MYLK4: variants seen among roughly 807,000 people sequenced by gnomAD.
MYLK4 encodes myosin light chain kinase family member 4.
In MYLK4, 46 loss-of-function variants were observed where a neutral mutation model predicts 48.1. That is an observed-to-expected ratio of 0.96 (90% CI 0.75 to 1.22). The LOEUF (loss-of-function observed/expected upper bound fraction) is 1.22, where lower values mean the gene tolerates loss of function less well. Among genes scored for constraint, MYLK4 ranks in the 50% most tolerant of loss-of-function variants. The probability of loss-of-function intolerance (pLI) is 0.00; values close to 1 mark genes in which losing one functional copy is unlikely to be tolerated. For synonymous variants in MYLK4, 170 were observed against 180.8 expected (o/e 0.94, Z 0.48); for missense variants, 451 against 486.1 (o/e 0.93, Z 0.68).
the MYLK4 span, among the ~76,000 whole-genome samples, chr6:2,764,083 G>A: frequency 1.3e-5 from 2 of 152,212 alleles, no homozygotes; most frequent in African/African-American, 4.8e-5. Context: ...CGTGAGCTGA[G>A]ATTGCGCCAT....
intron 4 of MYLK4, among the ~76,000 whole-genome samples, chr6:2,687,068 A>C (rs887319221): frequency 6.6e-6 from 1 of 152,184 alleles, no homozygotes; most frequent in African/African-American, 2.4e-5. Context: ...CTCATTGAAC[A>C]TGGCAAGCAG....
At chr6:2,743,301 T>A (rs1226367978) in intron 2 of MYLK4, among the ~76,000 whole-genome samples, 1 of 152,122 alleles carries the variant, frequency 6.6e-6, no homozygotes, top group African/African-American at 2.4e-5. Flanking sequence ...GATAAGAGAG[T>A]CAAATATGTG....
intron 2 of MYLK4, among the ~76,000 whole-genome samples, chr6:2,727,946 CAAA>C (rs10716559): frequency 2.3e-3 from 242 of 104,820 alleles, no homozygotes; most frequent in African/African-American, 6.5e-3. Context: ...GACTCCGTCT[CAAA>C]AAAAAAAAAA....
intron 8 of MYLK4, 79 bp from the exon 9 acceptor site, chr6:2,679,487 A>C: frequency 6.5e-7 from 1 of 1,545,758 alleles, no homozygotes; most frequent in Non-Finnish European, 8.9e-7. Context: ...AGTCTATGAG[A>C]CAAAATGACT....
chr6:2,689,702 C>T (rs903624698), intron 3 of MYLK4, among the ~76,000 whole-genome samples: 2 of 152,316 alleles, frequency 1.3e-5, no homozygotes, highest in East Asian at 3.9e-4. Context: ...TTGCCATGAA[C>T]CTGCTCATTC....
chr6:2,721,855 G>C (rs1206258450), intron 2 of MYLK4, among the ~76,000 whole-genome samples: 2 of 152,330 alleles, frequency 1.3e-5, no homozygotes, highest in Non-Finnish European at 2.9e-5. Flanking sequence ...CTCAACAGCT[G>C]CATGAAAGCT....
chr6:2,760,173 A>G, the MYLK4 span, among the ~76,000 whole-genome samples: 16,599 of 151,820 alleles, frequency 0.11, 958 homozygotes, highest in South Asian at 0.17. Flanking sequence ...AAAGCAATAC[A>G]GTATAATAAC....
chr6:2,683,391 TTGTGTGTGTGTGTGTGTG>T (rs67359849), intron 6 of MYLK4, among the ~76,000 whole-genome samples: 16 of 126,582 alleles, frequency 1.3e-4, no homozygotes, highest in African/African-American at 4.6e-4. Context: ...CCCCACCTTT[TTGTGTGTGTGTGTGTGTG>T]TGTGTGTGTG....
intron 11 of MYLK4, 141 bp downstream of exon 11, chr6:2,674,906 A>G: frequency 1.4e-6 from 1 of 739,394 alleles, no homozygotes; most frequent in Non-Finnish European, 2.2e-6. Flanking sequence ...ATTTTAAGTA[A>G]TTTAATACTG....
chr6:2,720,937 T>G (rs1473680373), intron 2 of MYLK4, among the ~76,000 whole-genome samples: 1 of 151,710 alleles, frequency 6.6e-6, no homozygotes, highest in Non-Finnish European at 1.5e-5. Context: ...TTGAGGTGGG[T>G]GGATCACGAG....
chr6:2,690,895 T>C (rs1761764029), intron 3 of MYLK4, among the ~76,000 whole-genome samples: 1 of 142,712 alleles, frequency 7.0e-6, no homozygotes. Context: ...AGTGGCGCGA[T>C]CTCGGCTCAC....
At chr6:2,734,361 G>C (rs1228997898) in intron 2 of MYLK4, among the ~76,000 whole-genome samples, 1 of 152,196 alleles carries the variant, frequency 6.6e-6, no homozygotes, top group Non-Finnish European at 1.5e-5. Context: ...ACTTGGAACT[G>C]AGACCTGTCC....
intron 2 of MYLK4, among the ~76,000 whole-genome samples, chr6:2,703,264 G>T (rs1236126488): frequency 6.6e-6 from 1 of 152,072 alleles, no homozygotes; most frequent in Non-Finnish European, 1.5e-5. Flanking sequence ...GAAGGCATGT[G>T]GCCACAACAA....
the MYLK4 span, among the ~76,000 whole-genome samples, chr6:2,761,421 G>C: frequency 2.6e-5 from 4 of 152,186 alleles, no homozygotes; most frequent in African/African-American, 9.7e-5. Flanking sequence ...AGCAATCTAA[G>C]AGGAGGGGTG....
At chr6:2,759,755 T>C in the MYLK4 span, among the ~76,000 whole-genome samples, 1 of 152,246 alleles carries the variant, frequency 6.6e-6, no homozygotes, top group Admixed American at 6.5e-5. Context: ...ATGATAATGG[T>C]GCTGGTTTGA....
At chr6:2,729,342 A>C (rs1381489686) in intron 2 of MYLK4, among the ~76,000 whole-genome samples, 1 of 152,250 alleles carries the variant, frequency 6.6e-6, no homozygotes, top group Admixed American at 6.5e-5. Flanking sequence ...CAGCAAGCAC[A>C]TGGGGTAAAA....
intron 7 of MYLK4, among the ~76,000 whole-genome samples, chr6:2,681,965 G>C (rs1263069963): frequency 6.6e-6 from 1 of 152,182 alleles, no homozygotes; most frequent in African/African-American, 2.4e-5. Context: ...TTCATAGTGA[G>C]GGTTTTGCTA....
intron 2 of MYLK4, among the ~76,000 whole-genome samples, chr6:2,744,832 T>C (rs902430103): frequency 2.6e-5 from 4 of 152,118 alleles, no homozygotes; most frequent in Admixed American, 1.3e-4. Context: ...AAGGAATTAT[T>C]CCCTATGAAG....
intron 7 of MYLK4, 99 bp from the exon 8 acceptor site, chr6:2,680,390 C>T (rs1339082907): frequency 6.3e-7 from 1 of 1,585,908 alleles, no homozygotes; most frequent in Non-Finnish European, 8.5e-7. Flanking sequence ...TCAGAAAAAA[C>T]ATATCAGGCC....
Sources: gnomAD v4.1 joint callset for allele counts (sites outside exome capture counted in the v4.1 genomes callset) on GRCh38, gnomAD v4.1.1 for gene constraint, MANE v1.5 for transcripts, NCBI Gene and HGNC (gene_info 2026-07-23, HGNC 2026-07-21) for gene names.